UBE2O: variants seen among roughly 807,000 people sequenced by gnomAD.
The protein encoded by UBE2O is (E3-independent) E2 ubiquitin-conjugating enzyme.
A neutral mutation model predicts 125.8 loss-of-function variants in UBE2O; 15 were observed. The observed-to-expected ratio is 0.12, with a 90% CI of 0.08 to 0.18. The LOEUF (loss-of-function observed/expected upper bound fraction) is 0.18. UBE2O is among the 10% of genes least tolerant of loss of function. The pLI is 1.00. For synonymous variants in UBE2O, 708 were observed against 703.2 expected, an observed-to-expected ratio of 1.01 and a Z score of -0.11; for missense variants, 1,280 against 1,723.6, an observed-to-expected ratio of 0.74 and a Z score of 4.56.
At chr17:76,424,207 C>CCACTAGTA (rs1567847664) in intron 1 of UBE2O, among the ~76,000 whole-genome samples, 2 of 105,292 alleles carry the variant, frequency 1.9e-5, no homozygotes, top group Admixed American at 1.1e-4. Context: ...CGCGCCCGGC[C>CCACTAGTA]TTTTTTTTTT....
intron 1 of UBE2O, among the ~76,000 whole-genome samples, chr17:76,442,227 C>T (rs117592864): frequency 3.0e-4 from 45 of 152,338 alleles, no homozygotes; most frequent in Non-Finnish European, 4.9e-4. Flanking sequence ...GTAGTAACTA[C>T]AATATGGTGT....
At chr17:76,428,206 G>A (rs1180942562) in intron 1 of UBE2O, among the ~76,000 whole-genome samples, 1 of 152,166 alleles carries the variant, frequency 6.6e-6, no homozygotes, top group East Asian at 1.9e-4. Context: ...TTTTGTATGT[G>A]ACCCGTTTTT....
intron 1 of UBE2O, among the ~76,000 whole-genome samples, chr17:76,413,377 T>A (rs2072548342): frequency 6.6e-6 from 1 of 152,170 alleles, no homozygotes; most frequent in South Asian, 2.1e-4. Context: ...GCAGCACTTT[T>A]TTTCAAACCA....
chr17:76,393,776 C>G (rs1253954326), intron 15 of UBE2O, among the ~76,000 whole-genome samples: 2 of 152,234 alleles, frequency 1.3e-5, no homozygotes, highest in South Asian at 4.1e-4. Flanking sequence ...TTGCGTGCAT[C>G]TGTGCACACA....
At chr17:76,406,691 T>TG (rs2072425227) in intron 1 of UBE2O, among the ~76,000 whole-genome samples, 1 of 132,180 alleles carries the variant, frequency 7.6e-6, no homozygotes, top group Non-Finnish European at 1.6e-5. Context: ...GAGCCCAAGT[T>TG]GTTTTTTTTT....
In UBE2O at chr17:76,398,275, C is replaced by A. The variant is rs1452770584; in HGVS notation, c.2005G>T (p.Ala669Ser). 2 of 1,614,058 alleles carry A rather than the reference C, an allele frequency of 1.2e-6. No homozygotes were observed. The highest frequency in any genetic ancestry group is 1.7e-6 in the Non-Finnish European group (2 of 1,180,010). ...VIRIGNTEDG[A>S]PHKEDEPSVG... ...CGTACCTCATCCTCCTTGTGAGGAG[C>A]CCCATCCTCAGTATTGCCGATGCGG... The change falls in exon 12 of 18, where the codon GCT becomes TCT. Residue 669 changes from alanine (A) to serine (S), a missense_variant. This residue lies in a region of UBE2O where 210 missense variants were observed against 268.9 expected (regional missense o/e 0.78). Transcript: ENST00000319380. This position sits in a 1 kb window ranked among gnomAD's most constrained non-coding sequence, Gnocchi z 5.4.
At chr17:76,409,125 C>G (rs1434952204) in intron 1 of UBE2O, among the ~76,000 whole-genome samples, 1 of 151,400 alleles carries the variant, frequency 6.6e-6, no homozygotes, top group Non-Finnish European at 1.5e-5. Flanking sequence ...CCCGCCACCA[C>G]GCCCGGCTAA....
chr17:76,400,343 G>A lies in UBE2O; in HGVS notation c.1005-46C>T. On this transcript the variant is annotated intron_variant, in intron 7 of 17. Coordinates refer to ENST00000319380, the MANE Select transcript of UBE2O (RefSeq NM_022066.4). The surrounding 1 kb of genome is among the most constrained non-coding windows in gnomAD (Gnocchi z 4.3). ...GGTGAGCTGGGCTGGACTCCTGGGA[G>A]GCCAGCAGTGTTCTTAAGCCTCCCC... 7 of 1,604,342 alleles carry A rather than the reference G, an allele frequency of 4.4e-6. No homozygotes were observed. The highest frequency in any genetic ancestry group is 2.2e-5 in the East Asian group (1 of 44,706).
intron 1 of UBE2O, among the ~76,000 whole-genome samples, chr17:76,447,402 T>G (rs1158932074): frequency 6.6e-6 from 1 of 152,216 alleles, no homozygotes; most frequent in Non-Finnish European, 1.5e-5. Flanking sequence ...GTAAAACATC[T>G]AAAGCACTAA....
chr17:76,407,186 T>C (rs904069429), intron 1 of UBE2O, among the ~76,000 whole-genome samples: 3 of 151,800 alleles, frequency 2.0e-5, no homozygotes, highest in Non-Finnish European at 4.4e-5. Context: ...CGGTACAGAG[T>C]AGGTGCTCAG....
At chr17:76,425,290 ACCT>A (rs2072793824) in intron 1 of UBE2O, among the ~76,000 whole-genome samples, 1 of 150,858 alleles carries the variant, frequency 6.6e-6, no homozygotes, top group African/African-American at 2.4e-5. Context: ...ATTTTAAAGG[ACCT>A]ACTTGGCTCA....
intron 1 of UBE2O, among the ~76,000 whole-genome samples, chr17:76,437,886 T>C (rs1309298538): frequency 6.6e-6 from 1 of 152,170 alleles, no homozygotes; most frequent in Non-Finnish European, 1.5e-5. Context: ...GGTTATGAAA[T>C]AGGACAGCAA....
At chr17:76,441,725 C>T (rs557265545) in intron 1 of UBE2O, among the ~76,000 whole-genome samples, 1 of 152,338 alleles carries the variant, frequency 6.6e-6, no homozygotes, top group East Asian at 1.9e-4. Flanking sequence ...ATGTGGCATT[C>T]ACCTTGGAAA....
At chr17:76,418,790 T>C (rs898904202) in intron 1 of UBE2O, among the ~76,000 whole-genome samples, 1 of 152,078 alleles carries the variant, frequency 6.6e-6, no homozygotes, top group Non-Finnish European at 1.5e-5. Flanking sequence ...AGGATGGTCT[T>C]GATCTCCTGA....
intron 15 of UBE2O, among the ~76,000 whole-genome samples, chr17:76,393,367 C>T (rs369675245): frequency 6.5e-4 from 99 of 151,616 alleles, no homozygotes; most frequent in Admixed American, 3.9e-3. Flanking sequence ...CAGGTTCAAG[C>T]GATTCTCTGC....
intron 1 of UBE2O, chr17:76,430,479 C>A: frequency 3.8e-6 from 1 of 260,410 alleles, no homozygotes; most frequent in African/African-American, 2.3e-5. Context: ...GCTCCATTTT[C>A]TACAAAATGG....
intron 1 of UBE2O, among the ~76,000 whole-genome samples, chr17:76,451,111 G>A (rs1263767858): frequency 6.6e-6 from 1 of 152,200 alleles, no homozygotes; most frequent in Non-Finnish European, 1.5e-5. Context: ...TCCTAGGGCA[G>A]GAGGCCACAA....
At chr17:76,424,690 C>T (rs2072775305) in intron 1 of UBE2O, among the ~76,000 whole-genome samples, 14 of 151,764 alleles carry the variant, frequency 9.2e-5, no homozygotes, top group Admixed American at 8.5e-4. Context: ...GCCTGGGCAA[C>T]AGAGTAAGAC....
intron 1 of UBE2O, among the ~76,000 whole-genome samples, chr17:76,406,847 G>A (rs1184942507): frequency 6.6e-6 from 1 of 151,840 alleles, no homozygotes. Flanking sequence ...CTGCAGGCAC[G>A]TGCCACCACG....
Sources: gnomAD v4.1 joint callset for allele counts (sites outside exome capture counted in the v4.1 genomes callset) on GRCh38, gnomAD v4.1.1 for gene constraint, gnomAD v4.1.1 regional missense constraint, Gnocchi (gnomAD v3.1) non-coding constraint, MANE v1.5 for transcripts, NCBI Gene and HGNC (gene_info 2026-07-23, HGNC 2026-07-21) for gene names.